The following SP100 variants were observed in gnomAD, a reference collection of about 807,000 sequenced individuals.
The protein encoded by SP100 is nuclear autoantigen Sp-100.
Under a neutral mutation model 130.0 loss-of-function variants are expected in SP100, and 84 were observed. The observed-to-expected ratio is 0.65, with a 90% CI of 0.54 to 0.77. The LOEUF (loss-of-function observed/expected upper bound fraction) is 0.77. Ranked by LOEUF, SP100 falls within the 30% of genes least tolerant of loss-of-function variation. The pLI is 0.00. For synonymous variants in SP100, 331 were observed against 351.7 expected, an observed-to-expected ratio of 0.94 and a Z score of 0.66; for missense variants, 978 against 1,052.2, an observed-to-expected ratio of 0.93 and a Z score of 0.97.
At position 230,422,679 on chromosome 2, in the gene SP100, T is replaced by C. The variant is rs564566885; in HGVS notation, c.107+5014T>C. Among the ~76,000 whole-genome samples, 3 of 152,348 alleles carry C rather than the reference T, an allele frequency of 2.0e-5. No homozygotes were observed. The East Asian group carries it at 5.8e-4, about 29-fold the overall frequency. On this transcript the variant is annotated intron_variant, in intron 2 of 28. Coordinates refer to ENST00000340126, the MANE Select transcript of SP100 (RefSeq NM_001080391.2). ...CTGATCTTTGCTTCTTTTCTGCCTCTAACTCTCTCTTATAGGTGGTTTCAT... is the reference window on the plus strand; with the variant it reads ...CTGATCTTTGCTTCTTTTCTGCCTCCAACTCTCTCTTATAGGTGGTTTCAT...
intron 2 of SP100, among the ~76,000 whole-genome samples, chr2:230,436,908 ATATAT>A: frequency 2.6e-5 from 4 of 151,064 alleles, no homozygotes; most frequent in African/African-American, 9.8e-5. Flanking sequence ...ACACACACGC[ATATAT>A]GTGTATACAC....
At chr2:230,417,731 C>A in intron 2 of SP100, 66 bp downstream of exon 2, 26 of 1,570,076 alleles carry the variant, frequency 1.7e-5, no homozygotes, top group Non-Finnish European at 2.2e-5. Flanking sequence ...AATTGATCAG[C>A]TTTTCATGTT....
intron 24 of SP100, chr2:230,515,329 T>A: frequency 6.8e-6 from 11 of 1,613,740 alleles, no homozygotes; most frequent in Non-Finnish European, 9.3e-6. Context: ...TTTGGCCTTT[T>A]TCCTGTTCTG....
chr2:230,450,266 C>G lies in SP100; in HGVS notation c.820+11C>G, dbSNP rs1205866013. 1 of 1,591,124 alleles carries G rather than the reference C, an allele frequency of 6.3e-7. No individual in the cohort carries two copies. Among genetic ancestry groups the G allele is most frequent in the Admixed American group, 1.7e-5 (1 of 59,494 alleles). ...CCTGTGATGAAGAAAGTAATTATTG[C>G]TTACCTTGCCTATTTTCTTTCCTTT... On this transcript the variant is annotated intron_variant, in intron 8 of 28. Coordinates refer to ENST00000340126, the MANE Select transcript of SP100 (RefSeq NM_001080391.2).
chr2:230,468,984 A>G (rs2065123821), intron 13 of SP100, 59 bp from the exon 14 acceptor site: 2 of 1,072,864 alleles, frequency 1.9e-6, no homozygotes, highest in South Asian at 2.7e-5. Context: ...GTAAGCAGTC[A>G]TAAGATTTAT....
Position 230,467,165 on chromosome 2 carries a change from C to T in SP100, c.1241C>T (p.Ala414Val), listed in dbSNP as rs138908890. Residue 414 changes from alanine to valine, a missense_variant, in exon 13 of 29, where the codon GCG becomes GTG. Ala to Val is a moderately conservative substitution (Grantham distance 64, BLOSUM62 0). Coordinates refer to ENST00000340126, the MANE Select transcript of SP100 (RefSeq NM_001080391.2). The part of the protein sequence containing the change: ...HDFSESSEEE[A>V]PAEASSGALR... ...TTTTCAGAATCCAGTGAGGAGGAGGCGCCCGCAGAAGCCTCGAGCGGGGCA... is the reference window on the plus strand; with the variant it reads ...TTTTCAGAATCCAGTGAGGAGGAGGTGCCCGCAGAAGCCTCGAGCGGGGCA... The T allele has an allele frequency of 1.3e-4, 203 of 1,613,868 alleles. No individual in the cohort carries two copies. The highest frequency in any genetic ancestry group is 3.3e-4 in the Middle Eastern group (2 of 6,060).
intron 24 of SP100, among the ~76,000 whole-genome samples, chr2:230,520,147 A>G (rs1188372293): frequency 1.3e-5 from 2 of 152,204 alleles, no homozygotes; most frequent in African/African-American, 4.8e-5. Context: ...TTCATGGACA[A>G]GAGATAATCA....
chr2:230,515,188 G>A, intron 24 of SP100: 1 of 1,613,466 alleles, frequency 6.2e-7, no homozygotes, highest in Middle Eastern at 1.7e-4. Context: ...TTTTGCTAAA[G>A]AGAAAGGAAA....
At chr2:230,540,737 A>T in intron 25 of SP100, 139 bp from the exon 26 acceptor site, 2 of 1,018,700 alleles carry the variant, frequency 2.0e-6, no homozygotes, top group Non-Finnish European at 2.8e-6. Flanking sequence ...ATGGGGCTCT[A>T]GTGCAGAGGC....
chr2:230,417,090 A>G (rs1160666810), intron 1 of SP100, among the ~76,000 whole-genome samples: 3 of 152,248 alleles, frequency 2.0e-5, no homozygotes, highest in African/African-American at 7.2e-5. Flanking sequence ...GAAGTATATT[A>G]AGGAAAAAGT....
intron 17 of SP100, among the ~76,000 whole-genome samples, chr2:230,481,534 T>C: frequency 6.6e-6 from 1 of 152,192 alleles, no homozygotes; most frequent in East Asian, 1.9e-4. Context: ...GCCCAAGCCC[T>C]ATTATCTTGC....
intron 17 of SP100, among the ~76,000 whole-genome samples, chr2:230,486,588 G>A (rs1016247097): frequency 7.9e-5 from 12 of 152,190 alleles, no homozygotes; most frequent in Admixed American, 2.6e-4. Context: ...TTGGGCATCT[G>A]GTTTGGATCC....
At chr2:230,491,174 G>A (rs1168996516) in intron 17 of SP100, among the ~76,000 whole-genome samples, 1 of 152,140 alleles carries the variant, frequency 6.6e-6, no homozygotes, top group Non-Finnish European at 1.5e-5. Context: ...ATTCAATGAA[G>A]CACATTGACT....
chr2:230,544,721 TC>T lies in SP100; in HGVS notation c.*1777del, dbSNP rs1692266497. On this transcript the variant is annotated 3_prime_UTR_variant, in exon 29 of 29. Coordinates refer to ENST00000340126, the MANE Select transcript of SP100 (RefSeq NM_001080391.2). ...GTCTTGAACTCCCGACCTCAGGTGA[TC>T]CACCCACCTCGGCCTCCCAAAGTGC... 5.3e-5 allele frequency among the ~76,000 whole-genome samples: 8 copies of T among 152,164 alleles called. No homozygotes were observed. In the South Asian group the frequency reaches 1.4e-3, roughly 28 times the overall value.
chr2:230,515,536 A>C (rs1690867195), intron 24 of SP100: 3 of 1,603,306 alleles, frequency 1.9e-6, no homozygotes, highest in Non-Finnish European at 2.6e-6. Flanking sequence ...TAATTCAGCA[A>C]AAAAGAGAGT....
intron 3 of SP100, 34 bp from the exon 4 acceptor site, chr2:230,444,144 T>C: frequency 1.4e-6 from 2 of 1,458,574 alleles, no homozygotes; most frequent in South Asian, 2.6e-5. Context: ...TTGGAAGTCT[T>C]TATTTATATT....
In SP100 at chr2:230,503,199, T is replaced by G. The variant is rs1247376353; in HGVS notation, c.1765+89T>G. On this transcript the variant is annotated intron_variant, in intron 20 of 28. Coordinates refer to ENST00000340126, the MANE Select transcript of SP100 (RefSeq NM_001080391.2). ...TGAGTAACAAGTCAGTTTTCTTAATTGGCATATGGAGCTAGTACTGGAGCC... is the reference window on the plus strand; with the variant it reads ...TGAGTAACAAGTCAGTTTTCTTAATGGGCATATGGAGCTAGTACTGGAGCC... 43 of 954,934 alleles carry G rather than the reference T, an allele frequency of 4.5e-5. No individual in the cohort carries two copies. The Admixed American group carries it at 9.7e-4, about 22-fold the overall frequency. The allele number at this position is 954,934 out of a possible 1,614,324, so 59.2% of individuals were successfully genotyped here. A position where few individuals can be genotyped will look rare whatever the true frequency, so the allele number is the denominator to read the frequency against.
chr2:230,519,740 C>T (rs375949353), intron 24 of SP100, among the ~76,000 whole-genome samples: 2 of 152,314 alleles, frequency 1.3e-5, no homozygotes, highest in East Asian at 1.9e-4. Context: ...AGGAGCATCT[C>T]ACTGCTATCA....
At chr2:230,432,499 G>C (rs1057005049) in intron 2 of SP100, among the ~76,000 whole-genome samples, 5 of 152,094 alleles carry the variant, frequency 3.3e-5, no homozygotes, top group Admixed American at 6.5e-5. Flanking sequence ...CAATGTATAA[G>C]GGTTCAAGTT....
Sources: gnomAD v4.1 joint callset for allele counts (sites outside exome capture counted in the v4.1 genomes callset) on GRCh38, gnomAD v4.1.1 for gene constraint, MANE v1.5 for transcripts, NCBI Gene and HGNC (gene_info 2026-07-23, HGNC 2026-07-21) for gene names.